The following PHF20 variants were observed in gnomAD, a reference collection of about 807,000 sequenced individuals.
PHF20 encodes PHD finger protein 20.
In PHF20, 23 loss-of-function variants were observed where a neutral mutation model predicts 113.5. The observed-to-expected ratio is 0.20, with a 90% CI of 0.15 to 0.29. The LOEUF (loss-of-function observed/expected upper bound fraction) is 0.29, where lower values mean the gene tolerates loss of function less well. Among genes scored for constraint, PHF20 ranks in the 10% least tolerant of loss-of-function variants. PHF20 has a pLI of 1.00. For synonymous variants in PHF20, 434 were observed against 457.3 expected, an observed-to-expected ratio of 0.95 and a Z score of 0.65; for missense variants, 943 against 1,219.6, an observed-to-expected ratio of 0.77 and a Z score of 3.38.
At chr20:35,788,701 C>T (rs1310369373) in intron 1 of PHF20, among the ~76,000 whole-genome samples, 3 of 152,216 alleles carry the variant, frequency 2.0e-5, no homozygotes, top group African/African-American at 7.2e-5. Context: ...CCTCAGCCTC[C>T]TGAGTAGCTG....
At chr20:35,894,789 AC>A (rs1456175523) in intron 9 of PHF20, among the ~76,000 whole-genome samples, 1 of 152,148 alleles carries the variant, frequency 6.6e-6, no homozygotes, top group Non-Finnish European at 1.5e-5. Context: ...CAGCTGCAGA[AC>A]CCACACTTAG....
intron 4 of PHF20, among the ~76,000 whole-genome samples, chr20:35,850,302 T>TTTTTTTG (rs1251909382): frequency 9.7e-6 from 1 of 102,998 alleles, no homozygotes; most frequent in African/African-American, 4.5e-5. Flanking sequence ...CTCCGTTTTT[T>TTTTTTTG]TTTTTTTTTT....
At chr20:35,887,942 C>T (rs1322602200) in intron 9 of PHF20, 6 of 151,134 alleles carry the variant, frequency 4.0e-5, no homozygotes, top group Admixed American at 1.3e-4. Flanking sequence ...CACCCTCCCC[C>T]GAAAATAGAT....
At chr20:35,797,047 C>T (rs2041679674) in intron 1 of PHF20, among the ~76,000 whole-genome samples, 2 of 151,858 alleles carry the variant, frequency 1.3e-5, no homozygotes, top group South Asian at 4.1e-4. Flanking sequence ...GATGACATTT[C>T]ACCAAGTTGC....
At position 35,899,472 on chromosome 20, in the gene PHF20, T is replaced by C; in HGVS notation, c.1385T>C (p.Phe462Ser). The change falls in exon 10 of 18, where the codon TTT (phenylalanine) becomes TCT (serine). Residue 462 changes from phenylalanine (F) to serine (S), a missense_variant. By Grantham distance (155) the Phe-to-Ser change is radical. Transcript: ENST00000374012. ...FRCKVVDCLK[F>S]FRKAKLLHYH... ...TGCAAAGTTGTGGACTGTTTAAAAT[T>C]TTTCCGCAAAGCCAAACTGTTGCAC... 6.2e-7 allele frequency: 1 copy of C among 1,614,172 alleles called. No individual in the cohort carries two copies. Among genetic ancestry groups the C allele is most frequent in the Non-Finnish European group, 8.5e-7 (1 of 1,180,026 alleles).
intron 3 of PHF20, 26 bp from the exon 4 acceptor site, chr20:35,847,324 C>CTT (rs143955363): frequency 9.0e-4 from 1,044 of 1,165,288 alleles, no homozygotes; most frequent in Non-Finnish European, 1.0e-3. Flanking sequence ...GTAACAGGAT[C>CTT]TTTTTTTTTT....
intron 1 of PHF20, among the ~76,000 whole-genome samples, chr20:35,790,950 C>T (rs1475548759): frequency 1.3e-5 from 2 of 152,094 alleles, no homozygotes; most frequent in African/African-American, 4.8e-5. Flanking sequence ...CCTCCACCTC[C>T]TGGGTTCGAG....
intron 16 of PHF20, among the ~76,000 whole-genome samples, chr20:35,939,812 G>C (rs2147129160): frequency 6.6e-6 from 1 of 152,228 alleles, no homozygotes; most frequent in South Asian, 2.1e-4. Flanking sequence ...CTGCAGGTTG[G>C]TGTCACCAGT....
chr20:35,867,087 C>T (rs555822448), intron 6 of PHF20, among the ~76,000 whole-genome samples: 9 of 152,170 alleles, frequency 5.9e-5, no homozygotes, highest in African/African-American at 1.9e-4. Context: ...TATTTATATA[C>T]GGTATCAAAG....
intron 14 of PHF20, among the ~76,000 whole-genome samples, chr20:35,928,974 A>G (rs2055698668): frequency 6.6e-6 from 1 of 152,112 alleles, no homozygotes; most frequent in South Asian, 2.1e-4. Flanking sequence ...TGGATTGTAA[A>G]TATGCAGTTC....
intron 2 of PHF20, among the ~76,000 whole-genome samples, chr20:35,826,468 A>G (rs2042263821): frequency 1.3e-5 from 2 of 152,168 alleles, no homozygotes; most frequent in African/African-American, 4.8e-5. Context: ...GGCAGTTGTG[A>G]TGAGGAAGAG....
intron 1 of PHF20, among the ~76,000 whole-genome samples, chr20:35,786,575 G>A (rs1436037092): frequency 6.6e-6 from 1 of 151,960 alleles, no homozygotes; most frequent in Non-Finnish European, 1.5e-5. Context: ...GGTGGTGCAC[G>A]CCTGTAGTTT....
At chr20:35,932,428 ATTTT>A (rs753265544) in intron 15 of PHF20, among the ~76,000 whole-genome samples, 1 of 104,654 alleles carries the variant, frequency 9.6e-6, no homozygotes. Flanking sequence ...CATCTTAACC[ATTTT>A]TTTTTTTTTT....
chr20:35,871,551 C>A, intron 8 of PHF20, 99 bp from the exon 9 acceptor site: 1 of 930,568 alleles, frequency 1.1e-6, no homozygotes, highest in Non-Finnish European at 1.6e-6. Flanking sequence ...TTAATTCCTT[C>A]CTCTAAAAAG....
At chr20:35,826,605 G>T (rs2042266430) in intron 2 of PHF20, among the ~76,000 whole-genome samples, 1 of 152,232 alleles carries the variant, frequency 6.6e-6, no homozygotes, top group African/African-American at 2.4e-5. Flanking sequence ...GGGCTTGAAA[G>T]AACTTGGTGT....
intron 6 of PHF20, among the ~76,000 whole-genome samples, chr20:35,868,717 G>A (rs982428068): frequency 3.0e-4 from 45 of 152,198 alleles, no homozygotes; most frequent in African/African-American, 1.1e-3. Context: ...GGTTTGCTGG[G>A]GACCAGCAGC....
chr20:35,875,195 C>T (rs936596360), intron 9 of PHF20, among the ~76,000 whole-genome samples: 12 of 151,946 alleles, frequency 7.9e-5, no homozygotes, highest in Non-Finnish European at 1.5e-4. Context: ...GTCAGGAATT[C>T]GAGACCAGCC....
intron 3 of PHF20, chr20:35,845,435 G>T: frequency 2.6e-6 from 1 of 385,852 alleles, no homozygotes; most frequent in Non-Finnish European, 5.3e-6. Context: ...GTGCAGTCTT[G>T]GCTTAATGTA....
chr20:35,788,871 G>C (rs992526157), intron 1 of PHF20, among the ~76,000 whole-genome samples: 5 of 152,306 alleles, frequency 3.3e-5, no homozygotes, highest in African/African-American at 1.2e-4. Flanking sequence ...CACCACGCCT[G>C]GCCAGGTTAT....
Sources: gnomAD v4.1 joint callset for allele counts (sites outside exome capture counted in the v4.1 genomes callset) on GRCh38, gnomAD v4.1.1 for gene constraint, MANE v1.5 for transcripts, NCBI Gene and HGNC (gene_info 2026-07-23, HGNC 2026-07-21) for gene names.